Variants in ARL14EPL observed in about 807,000 individuals in gnomAD.
ARL14EPL encodes the protein ARF like GTPase 14 effector protein like.
ARL14EPL carries 17 observed loss-of-function variants against 15.9 expected under a neutral mutation model. That is an observed-to-expected ratio of 1.07 (90% CI 0.73 to 1.60). The LOEUF (loss-of-function observed/expected upper bound fraction) is 1.60. ARL14EPL is among the 40% of genes most tolerant of loss of function. The pLI, the probability that ARL14EPL is intolerant of heterozygous loss-of-function variation, is 0.00. For missense variants in ARL14EPL, 214 were observed against 185.9 expected, an observed-to-expected ratio of 1.15 and a Z score of -0.88; for synonymous variants, 78 against 63.8, an observed-to-expected ratio of 1.22 and a Z score of -1.06.
At chr5:116,051,248 C>T (rs563555199) in intron 1 of ARL14EPL, 8 of 458,340 alleles carry the variant, frequency 1.7e-5, no homozygotes, top group Admixed American at 1.2e-4. Context: ...TCTCCTGGAA[C>T]CCCCGGCAGA....
chr5:116,051,190 T>C (rs1485898915), intron 1 of ARL14EPL: 1 of 325,898 alleles, frequency 3.1e-6, no homozygotes, highest in East Asian at 5.5e-5. Flanking sequence ...TTAATCCTGC[T>C]TAAGAGAGGT....
At chr5:116,048,953 T>G (rs1210902903) in intron 1 of ARL14EPL, among the ~76,000 whole-genome samples, 1 of 152,230 alleles carries the variant, frequency 6.6e-6, no homozygotes, top group Non-Finnish European at 1.5e-5. Flanking sequence ...GTTTCTCATT[T>G]ATGATCAGGT....
chr5:116,053,035 T>C (rs1749424334), intron 2 of ARL14EPL, among the ~76,000 whole-genome samples: 1 of 152,278 alleles, frequency 6.6e-6, no homozygotes, highest in South Asian at 2.1e-4. Flanking sequence ...TAATTTCTAA[T>C]TGTCTTTCAG....
At chr5:116,057,277 T>C (rs1385084039) in intron 3 of ARL14EPL, among the ~76,000 whole-genome samples, 1 of 152,024 alleles carries the variant, frequency 6.6e-6, no homozygotes, top group African/African-American at 2.4e-5. Flanking sequence ...ATGCAATGGG[T>C]GGGGATTGAA....
At chr5:116,046,020 C>T (rs904131151) in intron 1 of ARL14EPL, among the ~76,000 whole-genome samples, 1 of 152,114 alleles carries the variant, frequency 6.6e-6, no homozygotes. Context: ...TAATTGACCA[C>T]CTGCACAGGC....
At chr5:116,050,818 C>T (rs1749359568) in intron 1 of ARL14EPL, among the ~76,000 whole-genome samples, 1 of 113,764 alleles carries the variant, frequency 8.8e-6, no homozygotes, top group Admixed American at 9.2e-5. Flanking sequence ...CTCTCTCTTA[C>T]ACACACACAT....
intron 1 of ARL14EPL, among the ~76,000 whole-genome samples, chr5:116,045,768 GTGTGTGT>G (rs917348428): frequency 2.9e-5 from 3 of 104,630 alleles, no homozygotes; most frequent in African/African-American, 8.8e-5. Context: ...GTGTGTGTGT[GTGTGTGT>G]GTGTGTATGT....
At chr5:116,048,313 GTA>G (rs1412771289) in intron 1 of ARL14EPL, among the ~76,000 whole-genome samples, 5 of 152,100 alleles carry the variant, frequency 3.3e-5, no homozygotes, top group African/African-American at 1.2e-4. Context: ...TGAGCATCTT[GTA>G]TAGTTTAAAT....
chr5:116,048,406 G>A (rs566405294), intron 1 of ARL14EPL, among the ~76,000 whole-genome samples: 2 of 152,218 alleles, frequency 1.3e-5, no homozygotes, highest in Admixed American at 6.5e-5. Context: ...CCTTTTGGCA[G>A]TTCTTAATCT....
chr5:116,044,522 T>A (rs1161691306), intron 1 of ARL14EPL, among the ~76,000 whole-genome samples: 1 of 152,134 alleles, frequency 6.6e-6, no homozygotes, highest in Non-Finnish European at 1.5e-5. Context: ...TGTATATATA[T>A]GTAGTGCTAT....
chr5:116,055,814 CA>C (rs1422509269), intron 3 of ARL14EPL, among the ~76,000 whole-genome samples: 15 of 151,834 alleles, frequency 9.9e-5, no homozygotes, highest in African/African-American at 3.4e-4. Context: ...AACCCCACAA[CA>C]GGCCCCAGTG....
At chr5:116,049,712 G>C (rs1057170711) in intron 1 of ARL14EPL, among the ~76,000 whole-genome samples, 1 of 152,108 alleles carries the variant, frequency 6.6e-6, no homozygotes, top group Non-Finnish European at 1.5e-5. Context: ...TAGTTTGAAG[G>C]ACCATAAAAG....
chr5:116,056,353 G>T (rs1749517188), intron 3 of ARL14EPL, among the ~76,000 whole-genome samples: 2 of 152,198 alleles, frequency 1.3e-5, no homozygotes, highest in South Asian at 4.1e-4. Context: ...ACTGGTGTGA[G>T]ATGGTATCTC....
At position 116,058,713 on chromosome 5, in the gene ARL14EPL, T is replaced by C; in HGVS notation, c.237-12T>C. On this transcript the variant is annotated splice_polypyrimidine_tract_variant and intron_variant, in intron 3 of 3. Coordinates refer to ENST00000686077, the MANE Select transcript of ARL14EPL (RefSeq NM_001195581.2). ...TGCACTGTCATCTTAATGTCATGCTTTTCCTTTGTAGAATAATGAGGAAGT... is the reference window on the plus strand; with the variant it reads ...TGCACTGTCATCTTAATGTCATGCTCTTCCTTTGTAGAATAATGAGGAAGT... 3 of 1,533,600 alleles carry C rather than the reference T, an allele frequency of 2.0e-6. 1 individual carries two copies. Among genetic ancestry groups the C allele is most frequent in the Non-Finnish European group, 2.6e-6 (3 of 1,146,038 alleles). The allele number at this position is 1,533,600 out of a possible 1,614,324, so 95.0% of individuals were successfully genotyped here.
chr5:116,036,842 C>G (rs978622959), intron 1 of ARL14EPL, among the ~76,000 whole-genome samples: 37 of 152,098 alleles, frequency 2.4e-4, no homozygotes, highest in African/African-American at 8.0e-4. Context: ...ATTCCAGTTT[C>G]AGATGTCAAA....
intron 1 of ARL14EPL, among the ~76,000 whole-genome samples, chr5:116,044,750 A>T (rs1392811014): frequency 6.6e-6 from 1 of 152,070 alleles, no homozygotes; most frequent in African/African-American, 2.4e-5. Context: ...TAACATTTAC[A>T]TCCATCCCTT....
intron 1 of ARL14EPL, among the ~76,000 whole-genome samples, chr5:116,048,180 T>A (rs181378752): frequency 6.6e-4 from 101 of 152,272 alleles, no homozygotes; most frequent in Non-Finnish European, 1.1e-3. Context: ...ACTTTATGGG[T>A]CTTTCATAGG....
intron 2 of ARL14EPL, among the ~76,000 whole-genome samples, chr5:116,053,178 T>C (rs373275865): frequency 2.2e-4 from 33 of 152,096 alleles, no homozygotes; most frequent in African/African-American, 7.7e-4. Context: ...TGAAACCCCA[T>C]CTCTACTGCA....
intron 1 of ARL14EPL, among the ~76,000 whole-genome samples, chr5:116,039,482 C>T (rs1156968222): frequency 6.6e-6 from 1 of 152,010 alleles, no homozygotes; most frequent in African/African-American, 2.4e-5. Context: ...TTCTTTGAAA[C>T]AAGTGATCAA....
Sources: gnomAD v4.1 joint callset for allele counts (sites outside exome capture counted in the v4.1 genomes callset) on GRCh38, gnomAD v4.1.1 for gene constraint, MANE v1.5 for transcripts, NCBI Gene and HGNC (gene_info 2026-07-23, HGNC 2026-07-21) for gene names.